Variants in VGLL4 observed in about 807,000 individuals in gnomAD.
The protein encoded by VGLL4 is transcription cofactor vestigial-like protein 4.
In VGLL4, 7 loss-of-function variants were observed where a neutral mutation model predicts 21.0. That is an observed-to-expected ratio of 0.33 (90% CI 0.19 to 0.63). The LOEUF is 0.63. Among genes scored for constraint, VGLL4 ranks in the 20% least tolerant of loss-of-function variants. VGLL4 has a pLI of 0.78. For missense variants in VGLL4, 394 were observed against 425.7 expected (o/e 0.93, Z 0.66); for synonymous variants, 222 against 173.2 (o/e 1.28, Z -2.21).
intron 2 of VGLL4, among the ~76,000 whole-genome samples, chr3:11,571,452 C>T (rs1047348970): frequency 6.6e-6 from 1 of 151,910 alleles, no homozygotes; most frequent in Non-Finnish European, 1.5e-5. Flanking sequence ...GGGAGGCCAA[C>T]GTAGGTGGAC....
At chr3:11,609,855 GAGA>G (rs1231354515) in intron 1 of VGLL4, among the ~76,000 whole-genome samples, 1 of 152,228 alleles carries the variant, frequency 6.6e-6, no homozygotes, top group Non-Finnish European at 1.5e-5. Flanking sequence ...TGTCTTTATG[GAGA>G]AGGAGAGGGT....
intron 1 of VGLL4, among the ~76,000 whole-genome samples, chr3:11,621,660 T>C (rs190082689): frequency 2.0e-5 from 3 of 152,340 alleles, no homozygotes; most frequent in African/African-American, 7.2e-5. Context: ...AGGGATGTTT[T>C]CAATTCTCCA....
At chr3:11,615,031 G>A (rs913434135) in intron 1 of VGLL4, among the ~76,000 whole-genome samples, 4 of 152,078 alleles carry the variant, frequency 2.6e-5, no homozygotes, top group African/African-American at 9.7e-5. Flanking sequence ...ACGTTTTCTT[G>A]CTGTGATTTT....
intron 2 of VGLL4, among the ~76,000 whole-genome samples, chr3:11,577,027 A>G (rs1288761913): frequency 6.6e-6 from 1 of 152,202 alleles, no homozygotes; most frequent in Non-Finnish European, 1.5e-5. Flanking sequence ...TCTCAGGAGA[A>G]ACCAGCAGCA....
At chr3:11,619,688 T>C (rs1399713000) in intron 1 of VGLL4, among the ~76,000 whole-genome samples, 4 of 152,264 alleles carry the variant, frequency 2.6e-5, no homozygotes, top group South Asian at 4.2e-4. Flanking sequence ...ATCAGGCCGA[T>C]TGATGATTAC....
In VGLL4 at chr3:11,693,843, G is replaced by A. The variant is rs563157908; in HGVS notation, c.64+9128C>T. On this transcript the variant is annotated intron_variant, in intron 2 of 5. Coordinates refer to the VGLL4 transcript ENST00000273038. ...ATTGGCTAGGAAGCCTTTTCCAAAT[G>A]AAAATCTCTTTACTGATAGATTAGT... Among the ~76,000 whole-genome samples the A allele has an allele frequency of 1.2e-4, 19 of 152,292 alleles. No individual in the cohort carries two copies. In the South Asian group the frequency reaches 2.9e-3, roughly 23 times the overall value.
At chr3:11,649,943 TGGTTTGG>T (rs2075845155) in intron 2 of VGLL4, among the ~76,000 whole-genome samples, 1 of 142,912 alleles carries the variant, frequency 7.0e-6, no homozygotes. Context: ...TGGTTTGGTT[TGGTTTGG>T]TTTTTTTGAA....
At chr3:11,683,176 G>A (rs991589656) in intron 2 of VGLL4, among the ~76,000 whole-genome samples, 1 of 151,640 alleles carries the variant, frequency 6.6e-6, no homozygotes, top group African/African-American at 2.4e-5. Context: ...GCAGTGAGCC[G>A]AGATCACAAC....
chr3:11,671,608 G>A (rs1384173245), intron 2 of VGLL4, among the ~76,000 whole-genome samples: 1 of 152,158 alleles, frequency 6.6e-6, no homozygotes, highest in African/African-American at 2.4e-5. Flanking sequence ...TTCCCATATG[G>A]GGTGGTGGAC....
intron 1 of VGLL4, among the ~76,000 whole-genome samples, chr3:11,704,239 C>G (rs534161516): frequency 6.6e-6 from 1 of 151,256 alleles, no homozygotes; most frequent in Non-Finnish European, 1.5e-5. Context: ...AAAAATTAGC[C>G]GGGTATGGTG....
chr3:11,621,457 C>G (rs1228041373), intron 1 of VGLL4, among the ~76,000 whole-genome samples: 2 of 149,176 alleles, frequency 1.3e-5, no homozygotes. Context: ...GGTTCTTTCA[C>G]TCATAATGTT....
intron 2 of VGLL4, among the ~76,000 whole-genome samples, chr3:11,655,102 G>A (rs981891331): frequency 1.3e-5 from 2 of 152,152 alleles, no homozygotes; most frequent in African/African-American, 4.8e-5. Flanking sequence ...TTTGAACCGT[G>A]GCCATACATT....
intron 2 of VGLL4, among the ~76,000 whole-genome samples, chr3:11,671,835 A>AT (rs1169570938): frequency 6.6e-6 from 1 of 152,232 alleles, no homozygotes; most frequent in Admixed American, 6.5e-5. Context: ...AATGCCTTGC[A>AT]TTTTTTAAAA....
At chr3:11,640,337 G>GA (rs2075665273) in intron 1 of VGLL4, among the ~76,000 whole-genome samples, 1 of 152,102 alleles carries the variant, frequency 6.6e-6, no homozygotes, top group South Asian at 2.1e-4. Flanking sequence ...TCAGAGGAGG[G>GA]AAAAAATGAG....
intron 1 of VGLL4, among the ~76,000 whole-genome samples, chr3:11,718,791 C>G (rs2076952301): frequency 6.6e-6 from 1 of 152,118 alleles, no homozygotes; most frequent in African/African-American, 2.4e-5. Context: ...CACCCCTACC[C>G]TCCCGCGCCA....
chr3:11,699,520 T>C (rs1390338108), intron 2 of VGLL4: 1 of 152,152 alleles, frequency 6.6e-6, no homozygotes, highest in African/African-American at 2.4e-5. Flanking sequence ...GTCAAAAGAA[T>C]GTTCGGCTAG....
chr3:11,711,380 T>C (rs147259684), intron 1 of VGLL4, among the ~76,000 whole-genome samples: 479 of 151,876 alleles, frequency 3.2e-3, no homozygotes, highest in South Asian at 5.2e-3. Context: ...CCGGCTAACA[T>C]GGTGAAACCC....
chr3:11,705,879 C>T (rs2076753632), intron 1 of VGLL4, among the ~76,000 whole-genome samples: 1 of 151,558 alleles, frequency 6.6e-6, no homozygotes, highest in Admixed American at 6.6e-5. Context: ...TGAGATCGCG[C>T]CACTGCACTC....
chr3:11,716,139 T>C (rs892222844), intron 1 of VGLL4, among the ~76,000 whole-genome samples: 7 of 151,640 alleles, frequency 4.6e-5, no homozygotes, highest in Non-Finnish European at 1.0e-4. Flanking sequence ...CCGTATCTAC[T>C]AAAAATACAA....
Sources: allele counts gnomAD v4.1 joint callset (sites outside exome capture counted in the v4.1 genomes callset), GRCh38; gene constraint gnomAD v4.1.1; transcripts MANE v1.5; gene names NCBI Gene and HGNC (gene_info 2026-07-23, HGNC 2026-07-21).